The following NEGR1 variants were observed in gnomAD, a reference collection of about 807,000 sequenced individuals.
The protein encoded by NEGR1 is neuronal growth regulator 1, also known as IgLON family member 4.
NEGR1 carries 10 observed loss-of-function variants against 40.9 expected under a neutral mutation model. The ratio of observed to expected loss-of-function variants is 0.24; its 90% CI spans 0.15 to 0.42. The LOEUF (loss-of-function observed/expected upper bound fraction) is 0.42. Among genes scored for constraint, NEGR1 ranks in the 10% least tolerant of loss-of-function variants. The pLI is 1.00. For synonymous variants in NEGR1, 185 were observed against 166.8 expected (o/e 1.11, Z -0.84); for missense variants, 352 against 438.9 (o/e 0.80, Z 1.77).
intron 2 of NEGR1, among the ~76,000 whole-genome samples, chr1:71,886,603 C>G (rs1363774064): frequency 1.3e-5 from 2 of 152,086 alleles, no homozygotes; most frequent in Non-Finnish European, 2.9e-5. Context: ...TACCATCAGT[C>G]TGCTTCTGAA....
chr1:71,503,281 G>C (rs576397081), intron 6 of NEGR1, among the ~76,000 whole-genome samples: 159 of 152,256 alleles, frequency 1.0e-3, no homozygotes, highest in African/African-American at 3.6e-3. Flanking sequence ...CCTCATAGGA[G>C]GAGATAGGTT....
At chr1:71,786,411 TC>T (rs1417416531) in intron 2 of NEGR1, among the ~76,000 whole-genome samples, 1 of 152,144 alleles carries the variant, frequency 6.6e-6, no homozygotes, top group African/African-American at 2.4e-5. Flanking sequence ...AGTGATCCCT[TC>T]TCAACACTGT....
chr1:71,844,788 G>A (rs1000508718), intron 2 of NEGR1, among the ~76,000 whole-genome samples: 2 of 152,184 alleles, frequency 1.3e-5, no homozygotes, highest in African/African-American at 4.8e-5. Context: ...AAAGGAATGA[G>A]AGAAGTCAGA....
At chr1:71,912,797 T>C (rs1382979769) in intron 2 of NEGR1, among the ~76,000 whole-genome samples, 1 of 141,612 alleles carries the variant, frequency 7.1e-6, no homozygotes, top group African/African-American at 2.4e-5. Context: ...GATGGATAGA[T>C]GTATGTACAT....
At chr1:71,692,473 A>G (rs1008916509) in intron 4 of NEGR1, among the ~76,000 whole-genome samples, 1 of 151,422 alleles carries the variant, frequency 6.6e-6, no homozygotes, top group African/African-American at 2.4e-5. Context: ...GCCCTACTCA[A>G]ACTTTGAACA....
intron 6 of NEGR1, among the ~76,000 whole-genome samples, chr1:71,507,567 AAACT>A (rs1443842667): frequency 6.6e-6 from 1 of 152,220 alleles, no homozygotes; most frequent in Non-Finnish European, 1.5e-5. Flanking sequence ...AAGACCTCCC[AAACT>A]AAGACTATTT....
At chr1:72,008,783 T>C (rs1363089557) in intron 1 of NEGR1, among the ~76,000 whole-genome samples, 4 of 152,010 alleles carry the variant, frequency 2.6e-5, no homozygotes, top group Non-Finnish European at 4.4e-5. Context: ...AGTCAAAATA[T>C]AAGGGCATTA....
At chr1:71,966,163 T>A (rs921031683) in intron 1 of NEGR1, among the ~76,000 whole-genome samples, 3 of 152,160 alleles carry the variant, frequency 2.0e-5, no homozygotes, top group Non-Finnish European at 4.4e-5. Context: ...ACCTCTGGGT[T>A]TTTTAGTTTA....
chr1:71,920,872 T>A (rs888360218), intron 2 of NEGR1, among the ~76,000 whole-genome samples: 1 of 152,152 alleles, frequency 6.6e-6, no homozygotes, highest in Non-Finnish European at 1.5e-5. Flanking sequence ...TCTCTGTAAG[T>A]TATTTTTCTT....
chr1:72,030,367 C>G (rs552916045), intron 1 of NEGR1, among the ~76,000 whole-genome samples: 18 of 151,912 alleles, frequency 1.2e-4, no homozygotes, highest in Admixed American at 1.2e-3. Flanking sequence ...CCACCATGCC[C>G]GGCTAATAAC....
intron 6 of NEGR1, among the ~76,000 whole-genome samples, chr1:71,579,590 A>G (rs755098439): frequency 1.6e-4 from 23 of 147,380 alleles, no homozygotes; most frequent in African/African-American, 5.3e-4. Flanking sequence ...ACAAAATAAT[A>G]CAACTACTTA....
At chr1:72,053,805 T>G (rs1461031645) in intron 1 of NEGR1, among the ~76,000 whole-genome samples, 1 of 151,108 alleles carries the variant, frequency 6.6e-6, no homozygotes, top group Non-Finnish European at 1.5e-5. Flanking sequence ...ATGTTTTGAA[T>G]TTGCAACAGA....
chr1:71,797,931 T>A (rs1329212917), intron 2 of NEGR1: 1 of 152,010 alleles, frequency 6.6e-6, no homozygotes, highest in African/African-American at 2.4e-5. Context: ...CACTATAGTA[T>A]CTAGTTGCAG....
intron 2 of NEGR1, among the ~76,000 whole-genome samples, chr1:71,855,751 GA>G (rs34980088): frequency 0.44 from 67,117 of 151,450 alleles, 15,124 homozygotes; most frequent in East Asian, 0.62. Context: ...ATGTCATCAT[GA>G]AAAAAAATCA....
chr1:71,757,623 G>A (rs1655787925), intron 3 of NEGR1, among the ~76,000 whole-genome samples: 1 of 151,970 alleles, frequency 6.6e-6, no homozygotes. Flanking sequence ...CTTAAAAAAT[G>A]TAACCCTTCT....
chr1:71,762,373 G>A lies in NEGR1; in HGVS notation c.535+13799C>T, dbSNP rs58841884. On this transcript the variant is annotated intron_variant, in intron 3 of 6. Transcript: ENST00000357731. ...TAAATACATCAATCAAAATAGAGAGGTTGGCAAAGCAGATTAAAGAATGCA... is the reference window on the plus strand; with the variant it reads ...TAAATACATCAATCAAAATAGAGAGATTGGCAAAGCAGATTAAAGAATGCA... Among the ~76,000 whole-genome samples, 4 of 151,690 alleles carry A rather than the reference G, an allele frequency of 2.6e-5. No homozygotes were observed. The South Asian group carries it at 8.3e-4, about 32-fold the overall frequency.
Position 71,935,222 on chromosome 1 carries a change from G to T in NEGR1, c.266C>A (p.Pro89His). Residue 89 changes from proline (P) to histidine (H), a missense_variant, in exon 2 of 7, where the codon CCT (proline) becomes CAT (histidine). By Grantham distance (77) the Pro-to-His change is moderately conservative. Transcript: ENST00000357731. Reference protein sequence around the residue: ...FAGGDKWSVDPRVSISTLNKR... With the variant: ...FAGGDKWSVDHRVSISTLNKR... ...ATTCAATGTTGAAATTGAAACTCGA[G>T]GATCCACTGACCACTTATCACCTCC... 1 of 1,613,812 alleles carries T rather than the reference G, an allele frequency of 6.2e-7. No individual in the cohort carries two copies. The highest frequency in any genetic ancestry group is 1.1e-5 in the South Asian group (1 of 91,064).
chr1:72,267,139 T>C (rs556910697), intron 1 of NEGR1, among the ~76,000 whole-genome samples: 1 of 151,176 alleles, frequency 6.6e-6, no homozygotes, highest in African/African-American at 2.4e-5. Flanking sequence ...TTAGAACCTA[T>C]AGGTTAGGCA....
intron 4 of NEGR1, among the ~76,000 whole-genome samples, chr1:71,674,404 T>G (rs1226975433): frequency 6.6e-6 from 1 of 152,184 alleles, no homozygotes; most frequent in Non-Finnish European, 1.5e-5. Flanking sequence ...ATGCACGTAT[T>G]ATTGCATTCA....
Sources: allele counts gnomAD v4.1 joint callset (sites outside exome capture counted in the v4.1 genomes callset), GRCh38; gene constraint gnomAD v4.1.1; transcripts MANE v1.5; gene names NCBI Gene and HGNC (gene_info 2026-07-23, HGNC 2026-07-21).